APLP2: variants seen among roughly 807,000 people sequenced by gnomAD.
The protein encoded by APLP2 is amyloid beta precursor like protein 2, also known as CDEI box-binding protein.
In APLP2, 53 loss-of-function variants were observed where a neutral mutation model predicts 89.9. The ratio of observed to expected loss-of-function variants is 0.59; its 90% CI spans 0.47 to 0.74. The LOEUF (loss-of-function observed/expected upper bound fraction) is 0.74, where lower values mean the gene tolerates loss of function less well. Ranked by LOEUF, APLP2 falls within the 30% of genes least tolerant of loss-of-function variation. APLP2 has a pLI of 0.00. For synonymous variants in APLP2, 372 were observed against 348.6 expected (o/e 1.07, Z -0.75); for missense variants, 973 against 975.9 (o/e 1.00, Z 0.04).
chr11:130,140,686 A>C, intron 14 of APLP2: 1 of 412,232 alleles, frequency 2.4e-6, no homozygotes, highest in Middle Eastern at 5.5e-4. Flanking sequence ...CCTTTTCAGC[A>C]GTAGCTCATC....
At chr11:130,087,530 TCC>T (rs1234152873) in intron 1 of APLP2, among the ~76,000 whole-genome samples, 4 of 152,134 alleles carry the variant, frequency 2.6e-5, no homozygotes, top group Non-Finnish European at 2.9e-5. Context: ...ACCCTCTAGC[TCC>T]CCATTCCCTG....
At chr11:130,105,898 T>C (rs1344797417) in intron 1 of APLP2, among the ~76,000 whole-genome samples, 1 of 152,112 alleles carries the variant, frequency 6.6e-6, no homozygotes, top group African/African-American at 2.4e-5. Flanking sequence ...AGATGGGGTT[T>C]GTCCATGTTG....
At chr11:130,116,695 C>T (rs1555141231) in intron 3 of APLP2, among the ~76,000 whole-genome samples, 1 of 151,770 alleles carries the variant, frequency 6.6e-6, no homozygotes, top group Non-Finnish European at 1.5e-5. Context: ...TGGTCTTGAA[C>T]TCCTAACCTC....
chr11:130,122,079 C>T (rs1310234693), intron 5 of APLP2, among the ~76,000 whole-genome samples: 1 of 152,062 alleles, frequency 6.6e-6, no homozygotes, highest in Non-Finnish European at 1.5e-5. Flanking sequence ...CATAATATCC[C>T]TGAATTTGGA....
chr11:130,134,855 C>T (rs1951377634), intron 12 of APLP2, among the ~76,000 whole-genome samples: 1 of 152,110 alleles, frequency 6.6e-6, no homozygotes, highest in Non-Finnish European at 1.5e-5. Context: ...CTGGGAGCAG[C>T]TCGGGGATGG....
chr11:130,090,247 CTT>C (rs539249012), intron 1 of APLP2, among the ~76,000 whole-genome samples: 225 of 86,114 alleles, frequency 2.6e-3, no homozygotes, highest in African/African-American at 8.5e-3. Context: ...CTAGCTCTGT[CTT>C]TTTTTTTTTT....
intron 2 of APLP2, 64 bp from the exon 3 acceptor site, chr11:130,110,470 ATCCT>A: frequency 1.3e-6 from 2 of 1,582,654 alleles, no homozygotes; most frequent in South Asian, 2.3e-5. Flanking sequence ...TAGACACTCC[ATCCT>A]TACTTGCAAG....
intron 3 of APLP2, among the ~76,000 whole-genome samples, chr11:130,116,064 C>G (rs1339845228): frequency 6.6e-6 from 1 of 151,820 alleles, no homozygotes; most frequent in Non-Finnish European, 1.5e-5. Context: ...ACAACGTATG[C>G]TCCTCTGTTT....
At chr11:130,092,665 A>T (rs1233319928) in intron 1 of APLP2, among the ~76,000 whole-genome samples, 5 of 116,756 alleles carry the variant, frequency 4.3e-5, no homozygotes, top group Non-Finnish European at 8.2e-5. Context: ...GCAGCAGTAC[A>T]GTCCAGCTTC....
At chr11:130,135,780 C>T (rs1951505019) in intron 13 of APLP2, 65 bp downstream of exon 13, 2 of 1,588,718 alleles carry the variant, frequency 1.3e-6, no homozygotes, top group South Asian at 2.3e-5. Flanking sequence ...GAATTGAAGT[C>T]AGTTTTTCGA....
intron 13 of APLP2, chr11:130,139,126 G>A (rs929006330): frequency 1.7e-4 from 26 of 152,208 alleles, no homozygotes; most frequent in Non-Finnish European, 2.9e-5. Context: ...TGAGACAAAA[G>A]CTAGCTCTGA....
At position 130,116,699 on chromosome 11, in the gene APLP2, T is replaced by G. The variant is rs760648996; in HGVS notation, c.404-4007T>G. Among the ~76,000 whole-genome samples, 98 of 151,954 alleles carry G rather than the reference T, an allele frequency of 6.4e-4. 1 individual carries two copies. Among genetic ancestry groups the G allele is most frequent in the Admixed American group, 1.2e-3 (19 of 15,262 alleles). ...GTTGGCCAGGCTGGTCTTGAACTCC[T>G]AACCTCAAGTGATCCACCTGCCTCA... On this transcript the variant is annotated intron_variant, in intron 3 of 16. Coordinates refer to ENST00000338167, the MANE Select transcript of APLP2 (RefSeq NM_001142276.2).
rs1951217450 is a variant in APLP2, at chr11:130,133,844, A to G, written c.1684+116A>G. On this transcript the variant is annotated intron_variant, in intron 12 of 16. Transcript: ENST00000338167. ...AGCAAGGCCGGTGAAGTGGGGCATT[A>G]GCACATCCTGGCTTCAGAAGCCTGG... is the stretch of plus-strand genomic sequence containing the variant. 7 of 747,690 alleles carry G rather than the reference A, an allele frequency of 9.4e-6. No individual in the cohort carries two copies. In the South Asian group the frequency reaches 1.1e-4, roughly 12 times the overall value. 46.3% of individuals were successfully genotyped at this position (747,690 alleles called of 1,614,324 possible).
At chr11:130,071,007 C>T (rs996281033) in intron 1 of APLP2, among the ~76,000 whole-genome samples, 5 of 152,184 alleles carry the variant, frequency 3.3e-5, no homozygotes, top group African/African-American at 9.6e-5. Context: ...CTGCTGTGGC[C>T]GAGGGAGACG....
At chr11:130,082,071 T>A (rs112261440) in intron 1 of APLP2, among the ~76,000 whole-genome samples, 9,068 of 152,324 alleles carry the variant, frequency 0.06, 279 homozygotes, top group Non-Finnish European at 0.073. Flanking sequence ...TAAGATGATA[T>A]AATAACTAGA....
intron 1 of APLP2, among the ~76,000 whole-genome samples, chr11:130,099,782 G>A (rs973681156): frequency 6.6e-6 from 1 of 152,192 alleles, no homozygotes; most frequent in Non-Finnish European, 1.5e-5. Flanking sequence ...GGACTTTGTG[G>A]CCTCTTCCCT....
intron 16 of APLP2, 68 bp from the exon 17 acceptor site, chr11:130,143,279 G>A: frequency 2.8e-6 from 4 of 1,440,908 alleles, no homozygotes; most frequent in East Asian, 2.3e-5. Context: ...AAATGGCTCA[G>A]GTCTCCCAGC....
At chr11:130,083,828 C>A (rs546628427) in intron 1 of APLP2, among the ~76,000 whole-genome samples, 1 of 152,234 alleles carries the variant, frequency 6.6e-6, no homozygotes, top group Admixed American at 6.5e-5. Context: ...GAGTTTAATT[C>A]TTTTGCTGTA....
intron 1 of APLP2, among the ~76,000 whole-genome samples, chr11:130,071,915 T>G (rs1355224719): frequency 2.6e-5 from 4 of 152,240 alleles, no homozygotes; most frequent in African/African-American, 9.6e-5. Context: ...AATTTGATTT[T>G]GTTTATTTGC....
Sources: gnomAD v4.1 joint callset for allele counts (sites outside exome capture counted in the v4.1 genomes callset) on GRCh38, gnomAD v4.1.1 for gene constraint, MANE v1.5 for transcripts, NCBI Gene and HGNC (gene_info 2026-07-23, HGNC 2026-07-21) for gene names.